SLC23A2: variants seen among roughly 807,000 people sequenced by gnomAD.
SLC23A2 encodes the protein Na(+)/L-ascorbic acid transporter 2.
SLC23A2 carries 36 observed loss-of-function variants against 73.3 expected under a neutral mutation model. That is an observed-to-expected ratio of 0.49 (90% CI 0.38 to 0.65). SLC23A2 has a LOEUF of 0.65. Among genes scored for constraint, SLC23A2 ranks in the 30% least tolerant of loss-of-function variants. The pLI, the probability that SLC23A2 is intolerant of heterozygous loss-of-function variation, is 0.00. For synonymous variants in SLC23A2, 343 were observed against 327.3 expected (o/e 1.05, Z -0.52); for missense variants, 507 against 841.6 (o/e 0.60, Z 4.92).
intron 6 of SLC23A2, among the ~76,000 whole-genome samples, chr20:4,892,313 G>A (rs769525346): frequency 6.6e-5 from 10 of 151,830 alleles, no homozygotes; most frequent in South Asian, 2.1e-4. Context: ...TCAGCCTCCC[G>A]AGTACCTGGG....
intron 3 of SLC23A2, among the ~76,000 whole-genome samples, chr20:4,925,774 C>A (rs1041498412): frequency 6.6e-6 from 1 of 152,210 alleles, no homozygotes; most frequent in Non-Finnish European, 1.5e-5. Context: ...ACACCCTCAG[C>A]TGAGAGGCCT....
chr20:4,867,156 G>A (rs1224935922), intron 13 of SLC23A2, among the ~76,000 whole-genome samples: 3 of 149,538 alleles, frequency 2.0e-5, no homozygotes, highest in Non-Finnish European at 3.0e-5. Context: ...CTGCCTGCCT[G>A]TGTAACCTGC....
At chr20:4,993,971 T>C (rs1454802821) in intron 1 of SLC23A2, among the ~76,000 whole-genome samples, 1 of 152,070 alleles carries the variant, frequency 6.6e-6, no homozygotes, top group East Asian at 1.9e-4. Context: ...ATGCCTGTAG[T>C]CCCAGCTACT....
In SLC23A2 at chr20:4,859,275, T is replaced by C. The variant is rs779494943; in HGVS notation, c.1720+14A>G. 1.4e-6 allele frequency: 2 copies of C among 1,474,232 alleles called. No homozygotes were observed. The highest frequency in any genetic ancestry group is 1.4e-5 in the African/African-American group (1 of 69,668). 91.3% of individuals were successfully genotyped at this position (1,474,232 alleles called of 1,614,324 possible). A position where few individuals can be genotyped will look rare whatever the true frequency, so the allele number is the denominator to read the frequency against. ...ATAAAAAAAAAAAAAGTGTGTTTGA[T>C]ATATACCACGTACCTGGGATGGTGT... On this transcript the variant is annotated intron_variant, in intron 16 of 16. Transcript: ENST00000338244.
At position 4,884,767 on chromosome 20, in the gene SLC23A2, G is replaced by T. The variant is rs1931030006; in HGVS notation, c.628C>A (p.Pro210Thr). The change falls in exon 8 of 17, where the codon CCC (proline) becomes ACC (threonine). Residue 210 changes from proline to threonine, a missense_variant. Physicochemically the swap from Pro to Thr is conservative, Grantham distance 38. This residue lies in a region of SLC23A2 where 217 missense variants were observed against 398.0 expected (regional missense o/e 0.55). Coordinates refer to ENST00000338244, the MANE Select transcript of SLC23A2 (RefSeq NM_005116.6). ...ELLHTEHIWY[P>T]RIREIQGAII... ...TTGTCTTTTACCTCTCGGATCCGGG[G>T]ATACCAGATGTGTTCTGTGTGCAAC... 1.2e-6 allele frequency: 2 copies of T among 1,608,464 alleles called. No homozygotes were observed. Among genetic ancestry groups the T allele is most frequent in the African/African-American group, 2.7e-5 (2 of 74,540 alleles).
chr20:5,001,167 G>A lies in SLC23A2; in HGVS notation c.-282+239C>T, dbSNP rs551737450. Reference sequence around the variant, plus strand: ...CCCCGGGGGCCCGGCCCGGCCGGCAGAACGGCAGGAGCTGAGGGCCGCCGG... The same window carrying A: ...CCCCGGGGGCCCGGCCCGGCCGGCAAAACGGCAGGAGCTGAGGGCCGCCGG... On this transcript the variant is annotated intron_variant, in intron 1 of 16. Coordinates refer to ENST00000338244, the MANE Select transcript of SLC23A2 (RefSeq NM_005116.6). 6.2e-3 allele frequency among the ~76,000 whole-genome samples: 933 copies of A among 151,490 alleles called. 8 individuals carry two copies. Among genetic ancestry groups the A allele is most frequent in the African/African-American group, 0.021 (872 of 41,458 alleles).
intron 1 of SLC23A2, among the ~76,000 whole-genome samples, chr20:4,991,606 C>T (rs1245058037): frequency 6.6e-6 from 1 of 151,882 alleles, no homozygotes; most frequent in East Asian, 1.9e-4. Context: ...CCTGTAATCC[C>T]AGCTACTCAG....
intron 2 of SLC23A2, among the ~76,000 whole-genome samples, chr20:4,959,251 T>G (rs1475048634): frequency 6.6e-6 from 1 of 151,444 alleles, no homozygotes; most frequent in Non-Finnish European, 1.5e-5. Context: ...ATGACATACC[T>G]ATTAAAATGG....
In SLC23A2 at chr20:4,868,096, TTTAG is replaced by T. The variant is rs1335824026; in HGVS notation, c.1251-225_1251-222del. Among the ~76,000 whole-genome samples the T allele has an allele frequency of 1.3e-5, 2 of 148,624 alleles. No individual in the cohort carries two copies. The highest frequency in any genetic ancestry group is 2.1e-4 in the South Asian group (1 of 4,658). On this transcript the variant is annotated intron_variant, in intron 12 of 16. Coordinates refer to ENST00000338244, the MANE Select transcript of SLC23A2 (RefSeq NM_005116.6). This position sits in a 1 kb window ranked among gnomAD's most constrained non-coding sequence, Gnocchi z 4.4. The stretch of plus-strand genomic sequence containing the variant: ...CATTTTTTTTTTTTTTTTTTTTTTT[TTTAG>T]AGAGTGTCTCACTCCGTCACCTAGG...
At chr20:4,982,733 A>AT (rs1230618584) in intron 1 of SLC23A2, among the ~76,000 whole-genome samples, 4 of 152,172 alleles carry the variant, frequency 2.6e-5, no homozygotes, top group Non-Finnish European at 5.9e-5. Context: ...TAAATATGTG[A>AT]TTTTCAAAAA....
Position 5,006,768 on chromosome 20 carries a change from T to G in SLC23A2, c.-282+3414A>C. On this transcript the variant is annotated intron_variant, in intron 1 of 16. Transcript: ENST00000379333. The stretch of plus-strand genomic sequence containing the variant: ...GTTGGCCAGGCTGGTCTCAAACTCC[T>G]GGCCTCAAGTGAACCACCTGCCTTG... Among the ~76,000 whole-genome samples the G allele has an allele frequency of 1.3e-5, 2 of 152,044 alleles. 1 individual carries two copies. Among genetic ancestry groups the G allele is most frequent in the Non-Finnish European group, 2.9e-5 (2 of 68,004 alleles).
At chr20:4,879,077 A>G (rs1477510532) in intron 9 of SLC23A2, among the ~76,000 whole-genome samples, 1 of 152,210 alleles carries the variant, frequency 6.6e-6, no homozygotes, top group Non-Finnish European at 1.5e-5. Context: ...GTCTTTCATC[A>G]TTCAAGTAGG....
rs1438555618 is a variant in SLC23A2, at chr20:4,862,943, C to CA, written c.1357-37dup. ...CACAGGAGACTGGGAAACAGGGACT[C>CA]ATCTCCATGCAAAATCACCGTAAGT... is the stretch of plus-strand genomic sequence containing the variant. On this transcript the variant is annotated intron_variant, in intron 13 of 16. Transcript: ENST00000338244. This position sits in a 1 kb window ranked among gnomAD's most constrained non-coding sequence, Gnocchi z 5.1. The CA allele has an allele frequency of 1.3e-6, 2 of 1,587,688 alleles. No individual in the cohort carries two copies. The highest frequency in any genetic ancestry group is 2.7e-5 in the African/African-American group (2 of 74,420).
intron 3 of SLC23A2, among the ~76,000 whole-genome samples, chr20:4,918,108 T>C (rs1374095119): frequency 6.6e-6 from 1 of 152,216 alleles, no homozygotes; most frequent in African/African-American, 2.4e-5. Flanking sequence ...CTTTTAAATA[T>C]TATTTTAACT....
chr20:4,924,972 C>T (rs1364369529), intron 3 of SLC23A2, among the ~76,000 whole-genome samples: 1 of 151,944 alleles, frequency 6.6e-6, no homozygotes, highest in African/African-American at 2.4e-5. Flanking sequence ...ATTGCTTGAG[C>T]TCAGGAGTTT....
At chr20:4,940,483 G>A (rs1353592586) in intron 2 of SLC23A2, among the ~76,000 whole-genome samples, 1 of 151,194 alleles carries the variant, frequency 6.6e-6, no homozygotes, top group Non-Finnish European at 1.5e-5. Context: ...AAAAACTGAT[G>A]TACATATGAT....
chr20:4,973,676 G>A (rs1034046597), intron 1 of SLC23A2, among the ~76,000 whole-genome samples: 1 of 152,180 alleles, frequency 6.6e-6, no homozygotes, highest in Non-Finnish European at 1.5e-5. Flanking sequence ...CCTCCCATTC[G>A]TGGGTTCCAC....
At chr20:4,938,155 T>C (rs1352514943) in intron 2 of SLC23A2, among the ~76,000 whole-genome samples, 4 of 151,344 alleles carry the variant, frequency 2.6e-5, no homozygotes, top group Admixed American at 6.6e-5. Context: ...CTCAGCCTCC[T>C]GAGTAGCTAG....
At chr20:4,866,848 C>G (rs1267976230) in intron 13 of SLC23A2, among the ~76,000 whole-genome samples, 1 of 152,106 alleles carries the variant, frequency 6.6e-6, no homozygotes, top group Non-Finnish European at 1.5e-5. Context: ...TCCGGGCTCA[C>G]CCCAAGTCCT....
Sources: gnomAD v4.1 joint callset for allele counts (sites outside exome capture counted in the v4.1 genomes callset) on GRCh38, gnomAD v4.1.1 for gene constraint, gnomAD v4.1.1 regional missense constraint, Gnocchi (gnomAD v3.1) non-coding constraint, MANE v1.5 for transcripts, NCBI Gene and HGNC (gene_info 2026-07-23, HGNC 2026-07-21) for gene names.